The following NXN variants were observed in gnomAD, a reference collection of about 807,000 sequenced individuals.
NXN encodes nucleoredoxin.
In NXN, 16 loss-of-function variants were observed where a neutral mutation model predicts 48.6. The observed-to-expected ratio is 0.33, with a 90% confidence interval of 0.22 to 0.50. NXN has a LOEUF of 0.50. Ranked by LOEUF, NXN falls within the 20% of genes least tolerant of loss-of-function variation. NXN has a pLI of 0.98. For missense variants in NXN, 492 were observed against 605.5 expected, an observed-to-expected ratio of 0.81 and a Z score of 1.97; for synonymous variants, 281 against 269.6, an observed-to-expected ratio of 1.04 and a Z score of -0.41.
chr17:958,940 A>AACACAC lies in NXN; in HGVS notation c.360+20373_360+20378dup, dbSNP rs552072210. The AACACAC allele has an allele frequency of 3.3e-4, 53 of 160,018 alleles. No homozygotes were observed. The highest frequency in any genetic ancestry group is 1.6e-3 in the East Asian group (9 of 5,730). 9.9% of individuals were successfully genotyped at this position (160,018 alleles called of 1,614,324 possible). A position where few individuals can be genotyped will look rare whatever the true frequency, so the allele number is the denominator to read the frequency against. On this transcript the variant is annotated intron_variant, in intron 1 of 7. Coordinates refer to ENST00000336868, the MANE Select transcript of NXN (RefSeq NM_022463.5). The surrounding 1 kb of genome is among the most constrained non-coding windows in gnomAD (Gnocchi z 6.9). ...GCCTGAGACTTGTCTTTAAAAAAGAAACACACACACACACATACACACACA... is the reference window on the plus strand; with the variant it reads ...GCCTGAGACTTGTCTTTAAAAAAGAAACACACACACACACACACACATACACACACA...
chr17:872,038 T>G (rs1382160556), intron 1 of NXN, among the ~76,000 whole-genome samples: 2 of 152,162 alleles, frequency 1.3e-5, no homozygotes, highest in Admixed American at 6.5e-5. Context: ...AGTTGAGGAC[T>G]GTGATTCTAA....
rs925574814 is a variant in NXN at position 956,559 on chromosome 17, G to A, written c.360+22760C>T. Among the ~76,000 whole-genome samples the A allele has an allele frequency of 6.6e-6, 1 of 152,020 alleles. No individual in the cohort carries two copies. Among genetic ancestry groups the A allele is most frequent in the African/African-American group, 2.4e-5 (1 of 41,396 alleles). On this transcript the variant is annotated intron_variant, in intron 1 of 7. Coordinates refer to ENST00000336868, the MANE Select transcript of NXN (RefSeq NM_022463.5). The surrounding 1 kb of genome is among the most constrained non-coding windows in gnomAD (Gnocchi z 4.1). ...CTCCCAAGTAGCTGGGACTACAGGC[G>A]CCCGCCACCACGTCCGGCTAATTTT...
intron 1 of NXN, among the ~76,000 whole-genome samples, chr17:890,178 G>GA (rs1248664472): frequency 2.0e-5 from 3 of 151,538 alleles, no homozygotes; most frequent in Non-Finnish European, 3.0e-5. Flanking sequence ...TCTAAGAACA[G>GA]AAAAAAACCA....
rs1276855999 is a variant in NXN at position 979,761 on chromosome 17, A to G, written c.-83T>C. On this transcript the variant is annotated 5_prime_UTR_variant, in exon 1 of 8. Transcript: ENST00000336868. ...GGGAGGAGGCGGCGGCGTCGGCGGC[A>G]GGCGCTGGGGAGAGCAGAGCCCGGC... 1.1e-5 allele frequency: 13 copies of G among 1,168,942 alleles called. No homozygotes were observed. In the Admixed American group the frequency reaches 5.0e-4, roughly 45 times the overall value. 72.4% of individuals were successfully genotyped at this position (1,168,942 alleles called of 1,614,324 possible).
rs975512958 is a variant in NXN, at chr17:958,039, T to G, written c.360+21280A>C. Among the ~76,000 whole-genome samples the G allele has an allele frequency of 6.6e-6, 1 of 152,114 alleles. No homozygotes were observed. Among genetic ancestry groups the G allele is most frequent in the African/African-American group, 2.4e-5 (1 of 41,414 alleles). Reference sequence around the variant, plus strand: ...AGGTTCCAAACATGCATCCTCTCGCTCCATCCTATACTTAGGCGCCTCGGC... The same window carrying G: ...AGGTTCCAAACATGCATCCTCTCGCGCCATCCTATACTTAGGCGCCTCGGC... On this transcript the variant is annotated intron_variant, in intron 1 of 7. Transcript: ENST00000336868. This position sits in a 1 kb window ranked among gnomAD's most constrained non-coding sequence, Gnocchi z 6.9.
intron 5 of NXN, among the ~76,000 whole-genome samples, chr17:807,690 A>G (rs1911646181): frequency 1.3e-5 from 2 of 152,232 alleles, no homozygotes; most frequent in Non-Finnish European, 2.9e-5. Context: ...CTGCATAAGC[A>G]GAAACCAACT....
At chr17:807,935 G>A (rs549354799) in intron 5 of NXN, among the ~76,000 whole-genome samples, 16 of 152,328 alleles carry the variant, frequency 1.1e-4, no homozygotes, top group East Asian at 1.9e-4. Context: ...CAGATGGGGC[G>A]GGCAGCATCA....
At chr17:833,871 A>G (rs1209389347) in intron 1 of NXN, among the ~76,000 whole-genome samples, 1 of 152,146 alleles carries the variant, frequency 6.6e-6, no homozygotes, top group Non-Finnish European at 1.5e-5. Context: ...TGACGTTAAC[A>G]GTGAAGAGCG....
intron 1 of NXN, among the ~76,000 whole-genome samples, chr17:900,020 C>T (rs1457382359): frequency 1.3e-5 from 2 of 152,180 alleles, no homozygotes; most frequent in South Asian, 2.1e-4. Context: ...AATCCCAGCA[C>T]GTTGGGAGGC....
intron 5 of NXN, among the ~76,000 whole-genome samples, chr17:815,688 C>G (rs1444761512): frequency 6.6e-6 from 1 of 150,736 alleles, no homozygotes; most frequent in East Asian, 2.0e-4. Context: ...CAATGAGGGC[C>G]AGTGTCCACT....
chr17:908,565 T>C (rs913809886), intron 1 of NXN, among the ~76,000 whole-genome samples: 2 of 151,974 alleles, frequency 1.3e-5, no homozygotes, highest in African/African-American at 2.4e-5. Context: ...AAAAAACCCA[T>C]GTTCTACTTT....
intron 1 of NXN, among the ~76,000 whole-genome samples, chr17:856,053 C>CG (rs1417074172): frequency 6.6e-5 from 10 of 152,026 alleles, no homozygotes; most frequent in Admixed American, 6.5e-4. Flanking sequence ...ATTAGCTGGG[C>CG]GTGGTGGCAC....
intron 1 of NXN, among the ~76,000 whole-genome samples, chr17:954,446 G>T (rs1310842863): frequency 5.3e-5 from 8 of 152,188 alleles, no homozygotes; most frequent in Admixed American, 1.3e-4. Flanking sequence ...GAGTCAAGTG[G>T]CAGGTCTGAC....
rs529608173 is a variant in NXN, at chr17:923,868, T to C, written c.360+55451A>G. Among the ~76,000 whole-genome samples, 11 of 152,326 alleles carry C rather than the reference T, an allele frequency of 7.2e-5. No individual in the cohort carries two copies. In the South Asian group the frequency reaches 2.3e-3, roughly 32 times the overall value. ...AGATGAAACACTTGGTAATATTTGA[T>C]GAGCGAGGAGAATATTCGTGAGATA... On this transcript the variant is annotated intron_variant, in intron 1 of 7. Coordinates refer to ENST00000336868, the MANE Select transcript of NXN (RefSeq NM_022463.5).
intron 5 of NXN, among the ~76,000 whole-genome samples, chr17:812,474 C>CA (rs1567812307): frequency 1.3e-5 from 2 of 152,208 alleles, no homozygotes; most frequent in East Asian, 3.9e-4. Context: ...CAGACAGACT[C>CA]AAACAGGGAG....
rs552784850 is a variant in NXN at position 813,619 on chromosome 17, T to C, written c.820+5820A>G. ...AACTCATGCCACTGACGTTTCTGTG[T>C]GTCAAGAAGTGCATGCATATTTGGT... On this transcript the variant is annotated intron_variant, in intron 5 of 7. Coordinates refer to ENST00000336868, the MANE Select transcript of NXN (RefSeq NM_022463.5). Among the ~76,000 whole-genome samples the C allele has an allele frequency of 7.9e-5, 12 of 152,380 alleles. No homozygotes were observed. The South Asian group carries it at 2.5e-3, about 32-fold the overall frequency.
chr17:937,064 C>T (rs1296705443), intron 1 of NXN, among the ~76,000 whole-genome samples: 1 of 151,906 alleles, frequency 6.6e-6, no homozygotes, highest in African/African-American at 2.4e-5. Flanking sequence ...TTTACTGCAG[C>T]CTTTGCCTCC....
chr17:878,490 G>A (rs1401436099), intron 1 of NXN, among the ~76,000 whole-genome samples: 3 of 132,788 alleles, frequency 2.3e-5, no homozygotes, highest in Non-Finnish European at 3.3e-5. Context: ...GTGGGGGCAG[G>A]GGAGGGGGTG....
intron 1 of NXN, among the ~76,000 whole-genome samples, chr17:923,717 C>T (rs964821400): frequency 1.3e-5 from 2 of 152,128 alleles, no homozygotes; most frequent in Non-Finnish European, 2.9e-5. Flanking sequence ...CAAATATCCC[C>T]AAAACATATG....
Sources: allele counts gnomAD v4.1 joint callset (sites outside exome capture counted in the v4.1 genomes callset), GRCh38; gene constraint gnomAD v4.1.1; non-coding constraint Gnocchi (gnomAD v3.1); transcripts MANE v1.5; gene names NCBI Gene and HGNC (gene_info 2026-07-23, HGNC 2026-07-21).